Variants in DEPDC1B observed in about 807,000 individuals in gnomAD.
DEPDC1B encodes the protein DEP domain containing 1B.
A neutral mutation model predicts 66.5 loss-of-function variants in DEPDC1B; 51 were observed. The observed-to-expected ratio is 0.77, with a 90% CI of 0.61 to 0.97. The LOEUF is 0.97. DEPDC1B is among the 50% of genes least tolerant of loss of function. The pLI, the probability that DEPDC1B is intolerant of heterozygous loss-of-function variation, is 0.00. For synonymous variants in DEPDC1B, 226 were observed against 223.6 expected, an observed-to-expected ratio of 1.01 and a Z score of -0.10; for missense variants, 552 against 637.1, an observed-to-expected ratio of 0.87 and a Z score of 1.44.
rs116221892 is a variant in DEPDC1B at position 60,613,318 on chromosome 5, A to T, written c.899-7462T>A. 3.5e-3 allele frequency among the ~76,000 whole-genome samples: 531 copies of T among 152,358 alleles called. 3 individuals carry two copies. Among genetic ancestry groups the T allele is most frequent in the African/African-American group, 0.012 (516 of 41,584 alleles). On this transcript the variant is annotated intron_variant, in intron 7 of 10. Coordinates refer to ENST00000265036, the MANE Select transcript of DEPDC1B (RefSeq NM_018369.3). ...ACTCATGGAAATATTCAACAGGAAG[A>T]TGATGATAGCAGCTCTGGAATTTAG...
At chr5:60,665,748 A>G (rs1753822491) in intron 2 of DEPDC1B, among the ~76,000 whole-genome samples, 1 of 152,218 alleles carries the variant, frequency 6.6e-6, no homozygotes, top group South Asian at 2.1e-4. Flanking sequence ...AGAATTCCTA[A>G]GCCTAGCTGG....
At chr5:60,625,687 T>TA (rs1300457785) in intron 7 of DEPDC1B, among the ~76,000 whole-genome samples, 2 of 152,232 alleles carry the variant, frequency 1.3e-5, no homozygotes, top group Admixed American at 1.3e-4. Flanking sequence ...CAAAAAAAGA[T>TA]ACATTCTACC....
chr5:60,679,312 C>T (rs553577120), intron 2 of DEPDC1B, among the ~76,000 whole-genome samples: 2 of 152,274 alleles, frequency 1.3e-5, no homozygotes, highest in Admixed American at 1.3e-4. Context: ...CTATACTAAG[C>T]CATAAAACTG....
rs927887141 is a variant in DEPDC1B, at chr5:60,645,730, G to C, written c.451-111C>G. The C allele has an allele frequency of 2.8e-5, 32 of 1,158,342 alleles. No individual in the cohort carries two copies. In the Middle Eastern group the frequency reaches 1.1e-3, roughly 38 times the overall value. The allele number at this position is 1,158,342 out of a possible 1,614,324, so 71.8% of individuals were successfully genotyped here. A position where few individuals can be genotyped will look rare whatever the true frequency, so the allele number is the denominator to read the frequency against. ...TTTTATGAGAAATGTCTTTGATTTG[G>C]TTACTTGTAACTTGATTTAAAATAA... On this transcript the variant is annotated intron_variant, in intron 3 of 10. Transcript: ENST00000265036.
At chr5:60,619,421 C>G (rs200001313) in intron 7 of DEPDC1B, among the ~76,000 whole-genome samples, 88 of 152,034 alleles carry the variant, frequency 5.8e-4, no homozygotes, top group East Asian at 4.5e-3. Context: ...TCCTTAAGCT[C>G]ATAAGCAACT....
At chr5:60,651,837 G>C (rs923565453) in intron 2 of DEPDC1B, among the ~76,000 whole-genome samples, 3 of 152,192 alleles carry the variant, frequency 2.0e-5, no homozygotes, top group African/African-American at 7.2e-5. Context: ...TAGAAAAGGT[G>C]GATCTGGTGA....
At chr5:60,644,042 G>A (rs2111873516) in intron 5 of DEPDC1B, among the ~76,000 whole-genome samples, 1 of 152,210 alleles carries the variant, frequency 6.6e-6, no homozygotes, top group African/African-American at 2.4e-5. Context: ...AGATCATCAA[G>A]TTCCAGCCAA....
intron 2 of DEPDC1B, 94 bp from the exon 3 acceptor site, chr5:60,647,627 T>A (rs549223661): frequency 7.3e-7 from 1 of 1,373,630 alleles, no homozygotes; most frequent in Non-Finnish European, 9.9e-7. Context: ...TGAAAATTTA[T>A]ACAATAATTT....
chr5:60,665,894 C>T (rs1449331011), intron 2 of DEPDC1B, among the ~76,000 whole-genome samples: 3 of 152,158 alleles, frequency 2.0e-5, no homozygotes, highest in African/African-American at 7.2e-5. Context: ...AATCATATAT[C>T]GCCTTAGAGC....
chr5:60,665,156 C>T (rs571836063), intron 2 of DEPDC1B, among the ~76,000 whole-genome samples: 68 of 152,124 alleles, frequency 4.5e-4, no homozygotes, highest in Admixed American at 1.6e-3. Context: ...GGGAACCTCA[C>T]GAGGACATAG....
chr5:60,659,279 G>A (rs1193242814), intron 2 of DEPDC1B, among the ~76,000 whole-genome samples: 6 of 151,920 alleles, frequency 3.9e-5, no homozygotes, highest in South Asian at 4.2e-4. Flanking sequence ...TCCACCCCCC[G>A]TAACATCTGG....
In DEPDC1B at chr5:60,610,392, C is replaced by T. The variant is rs147444069; in HGVS notation, c.899-4536G>A. 6.0e-3 allele frequency among the ~76,000 whole-genome samples: 908 copies of T among 152,266 alleles called. 10 individuals carry two copies. Among genetic ancestry groups the T allele is most frequent in the Middle Eastern group, 0.017 (5 of 294 alleles). On this transcript the variant is annotated intron_variant, in intron 7 of 10. Coordinates refer to ENST00000265036, the MANE Select transcript of DEPDC1B (RefSeq NM_018369.3). ...AATCATAGCTACTACTATCTTAAAG[C>T]ATTAAAACTAACATCAGGAGGAAGA...
At chr5:60,643,836 A>T (rs1753246281) in intron 5 of DEPDC1B, among the ~76,000 whole-genome samples, 1 of 152,186 alleles carries the variant, frequency 6.6e-6, no homozygotes, top group African/African-American at 2.4e-5. Context: ...TATAGTGACT[A>T]TAAAAGGAGA....
rs1354212736 is a variant in DEPDC1B, at chr5:60,655,332, A to G, written c.315-7799T>C. On this transcript the variant is annotated intron_variant, in intron 2 of 10. Transcript: ENST00000265036. ...TGCTATTGGTCTGTTCAGAGTTTCTATTTCTTCCTGGTTTTATCTAGGAGG... is the reference window on the plus strand; with the variant it reads ...TGCTATTGGTCTGTTCAGAGTTTCTGTTTCTTCCTGGTTTTATCTAGGAGG... 9.5e-5 allele frequency among the ~76,000 whole-genome samples: 14 copies of G among 147,626 alleles called. 2 individuals carry two copies. Among genetic ancestry groups the G allele is most frequent in the Non-Finnish European group, 1.3e-4 (9 of 67,610 alleles).
At chr5:60,662,888 C>T (rs554447780) in intron 2 of DEPDC1B, among the ~76,000 whole-genome samples, 23 of 152,238 alleles carry the variant, frequency 1.5e-4, no homozygotes, top group Non-Finnish European at 2.8e-4. Flanking sequence ...TGGACACTGA[C>T]GTGGCCTTCT....
At chr5:60,618,333 A>AC (rs1475221804) in intron 7 of DEPDC1B, among the ~76,000 whole-genome samples, 1 of 152,224 alleles carries the variant, frequency 6.6e-6, no homozygotes, top group Non-Finnish European at 1.5e-5. Flanking sequence ...CCTTCAAAAA[A>AC]TCAATGAATC....
intron 7 of DEPDC1B, among the ~76,000 whole-genome samples, chr5:60,606,609 C>CAAAAAAAAAA (rs60544270): frequency 2.1e-5 from 1 of 46,614 alleles, no homozygotes; most frequent in Non-Finnish European, 4.5e-5. Flanking sequence ...CCCATTTCTA[C>CAAAAAAAAAA]AAAAAAAAAA....
At chr5:60,627,004 A>C (rs1752821298) in intron 7 of DEPDC1B, among the ~76,000 whole-genome samples, 1 of 152,176 alleles carries the variant, frequency 6.6e-6, no homozygotes, top group African/African-American at 2.4e-5. Context: ...CCTTCTTTAC[A>C]TACAGTTCCA....
At chr5:60,614,464 A>G (rs1027824773) in intron 7 of DEPDC1B, among the ~76,000 whole-genome samples, 1 of 152,182 alleles carries the variant, frequency 6.6e-6, no homozygotes, top group Non-Finnish European at 1.5e-5. Context: ...ATGGAACTAC[A>G]AGCATGTGCC....
Sources: allele counts gnomAD v4.1 joint callset (sites outside exome capture counted in the v4.1 genomes callset), GRCh38; gene constraint gnomAD v4.1.1; transcripts MANE v1.5; gene names NCBI Gene and HGNC (gene_info 2026-07-23, HGNC 2026-07-21).